TAF3: variants seen among roughly 807,000 people sequenced by gnomAD.
TAF3 encodes TATA-box binding protein associated factor 3.
In TAF3, 7 loss-of-function variants were observed where a neutral mutation model predicts 80.6. That is an observed-to-expected ratio of 0.09 (90% confidence interval 0.05 to 0.16). TAF3 has a LOEUF of 0.16. TAF3 is among the 10% of genes least tolerant of loss of function. The pLI is 1.00. For missense variants in TAF3, 921 were observed against 1,140.2 expected (o/e 0.81, Z 2.77); for synonymous variants, 444 against 446.1 (o/e 1.00, Z 0.06).
Position 7,965,930 on chromosome 10 carries a change from A to G in TAF3, c.2232+188A>G, listed in dbSNP as rs78096303. Among the ~76,000 whole-genome samples the G allele has an allele frequency of 2.6e-3, 402 of 152,338 alleles. 1 individual carries two copies. The highest frequency in any genetic ancestry group is 3.8e-3 in the Non-Finnish European group (261 of 68,024). On this transcript the variant is annotated intron_variant, in intron 3 of 6. Transcript: ENST00000344293. ...CCCATAAACCTGTAATCAAGCCCTC[A>G]ACACACTAGCAGATGTTAAAAATTC...
intron 2 of TAF3, among the ~76,000 whole-genome samples, chr10:7,826,669 T>C (rs1343960566): frequency 6.6e-6 from 1 of 152,200 alleles, no homozygotes; most frequent in East Asian, 1.9e-4. Flanking sequence ...AGGAAAAATA[T>C]TGCTGATTTG....
chr10:7,893,427 A>G (rs1837476845), intron 2 of TAF3, among the ~76,000 whole-genome samples: 1 of 152,236 alleles, frequency 6.6e-6, no homozygotes, highest in African/African-American at 2.4e-5. Context: ...GGGAGGAGCC[A>G]TGCAATTTGT....
chr10:7,938,113 A>G (rs1331844616), intron 2 of TAF3, among the ~76,000 whole-genome samples: 1 of 151,524 alleles, frequency 6.6e-6, no homozygotes, highest in Admixed American at 6.5e-5. Context: ...AATAAAACTT[A>G]GAGTCCTATG....
chr10:7,844,758 A>G (rs1836952937), intron 2 of TAF3, among the ~76,000 whole-genome samples: 1 of 151,780 alleles, frequency 6.6e-6, no homozygotes, highest in South Asian at 2.1e-4. Context: ...AACACAACTT[A>G]GTTTTGCTCT....
At chr10:7,851,496 A>C (rs1010319859) in intron 2 of TAF3, among the ~76,000 whole-genome samples, 2 of 151,798 alleles carry the variant, frequency 1.3e-5, no homozygotes, top group South Asian at 2.1e-4. Context: ...AAGCATTTTC[A>C]TGTTAAAACA....
At chr10:7,827,702 C>T (rs1836756421) in intron 2 of TAF3, among the ~76,000 whole-genome samples, 1 of 150,582 alleles carries the variant, frequency 6.6e-6, no homozygotes, top group South Asian at 2.1e-4. Context: ...ATGGCGTGAA[C>T]AGAGGAGGTG....
In TAF3 at chr10:7,818,675, G is replaced by A. The variant is rs1449783915; in HGVS notation, c.-35G>A. The stretch of plus-strand genomic sequence containing the variant: ...TCTGGCGGCGGGGCTGGAGAGCAGT[G>A]GCAGCAAGGGCTGCGGTGGCGTCCA... On this transcript the variant is annotated 5_prime_UTR_variant, in exon 1 of 7. Coordinates refer to ENST00000344293, the MANE Select transcript of TAF3 (RefSeq NM_031923.4). 1 of 1,593,094 alleles carries A rather than the reference G, an allele frequency of 6.3e-7. No homozygotes were observed. Among genetic ancestry groups the A allele is most frequent in the Non-Finnish European group, 8.5e-7 (1 of 1,172,176 alleles).
chr10:7,987,694 T>G (rs978275229), intron 4 of TAF3, among the ~76,000 whole-genome samples: 1 of 152,216 alleles, frequency 6.6e-6, no homozygotes, highest in Non-Finnish European at 1.5e-5. Flanking sequence ...GAAGAATTAG[T>G]GAAATCCTAT....
chr10:7,884,597 G>A (rs182015947), intron 2 of TAF3, among the ~76,000 whole-genome samples: 97 of 151,962 alleles, frequency 6.4e-4, no homozygotes, highest in African/African-American at 2.1e-3. Flanking sequence ...CGTGTTGGCC[G>A]GGCTGGTCTC....
intron 4 of TAF3, among the ~76,000 whole-genome samples, chr10:7,996,440 C>T (rs890323132): frequency 1.4e-4 from 21 of 152,134 alleles, no homozygotes; most frequent in Non-Finnish European, 2.6e-4. Context: ...CTGTCCAGTC[C>T]GTGAGGGAAC....
chr10:7,858,343 T>C (rs1837103655), intron 2 of TAF3, among the ~76,000 whole-genome samples: 1 of 152,202 alleles, frequency 6.6e-6, no homozygotes, highest in African/African-American at 2.4e-5. Flanking sequence ...TGGATTCTGG[T>C]TCTGTTCCTG....
rs530369031 is a variant in TAF3, at chr10:7,854,605, T to C, written c.409+30045T>C. On this transcript the variant is annotated intron_variant, in intron 2 of 6. Coordinates refer to ENST00000344293, the MANE Select transcript of TAF3 (RefSeq NM_031923.4). ...TAGATCTTGACCTGAACCTGGACCT[T>C]GAAGGATAAGATTTAAATTTCAGTG... is the stretch of plus-strand genomic sequence containing the variant. Among the ~76,000 whole-genome samples the C allele has an allele frequency of 1.2e-3, 156 of 134,552 alleles. 1 individual carries two copies. Among genetic ancestry groups the C allele is most frequent in the African/African-American group, 4.2e-3 (149 of 35,460 alleles). 88.3% of individuals were successfully genotyped at this position (134,552 alleles called of 152,430 possible).
intron 2 of TAF3, among the ~76,000 whole-genome samples, chr10:7,900,660 GA>G (rs915865358): frequency 6.6e-6 from 1 of 152,130 alleles, no homozygotes; most frequent in Non-Finnish European, 1.5e-5. Context: ...AATTACTATA[GA>G]AAAACTATTT....
At chr10:8,000,867 C>T (rs967917902) in intron 4 of TAF3, among the ~76,000 whole-genome samples, 1 of 152,136 alleles carries the variant, frequency 6.6e-6, no homozygotes, top group African/African-American at 2.4e-5. Flanking sequence ...AAACTTTTTT[C>T]TAAGTATACA....
At chr10:7,997,353 G>A (rs760838182) in intron 4 of TAF3, among the ~76,000 whole-genome samples, 7 of 152,338 alleles carry the variant, frequency 4.6e-5, no homozygotes, top group Non-Finnish European at 8.8e-5. Context: ...TGGTTTCATC[G>A]TGTTTGCACA....
At position 7,964,830 on chromosome 10, in the gene TAF3, G is replaced by C. The variant is rs201095393; in HGVS notation, c.1320G>C (p.Ala440=). The C allele has an allele frequency of 4.2e-5, 67 of 1,613,990 alleles. 1 individual carries two copies. In the Middle Eastern group the frequency reaches 4.9e-4, roughly 12 times the overall value. ...ECTTPKASTS[A]NNFTKSGSTP... is the part of the protein sequence containing the mutation. ...CTACTCCCAAAGCTTCCACTTCCGC[G>C]AACAATTTCACAAAGTCAGGATCCA... The change falls in exon 3 of 7, where the codon GCG becomes GCC. Residue 440 remains alanine (A), a synonymous_variant. Coordinates refer to ENST00000344293, the MANE Select transcript of TAF3 (RefSeq NM_031923.4). This position sits in a 1 kb window ranked among gnomAD's most constrained non-coding sequence, Gnocchi z 4.1.
chr10:7,859,680 C>T (rs186057067), intron 2 of TAF3, among the ~76,000 whole-genome samples: 34 of 152,278 alleles, frequency 2.2e-4, no homozygotes, highest in South Asian at 1.0e-3. Flanking sequence ...TCCACTTTTC[C>T]GCCGGGGCAT....
chr10:8,003,435 C>T (rs1282876090), intron 4 of TAF3, among the ~76,000 whole-genome samples: 12 of 152,136 alleles, frequency 7.9e-5, no homozygotes, highest in African/African-American at 2.9e-4. Flanking sequence ...ATTATGTAAA[C>T]ACTTGGAAGA....
chr10:8,007,897 G>A (rs1017171360), intron 4 of TAF3, among the ~76,000 whole-genome samples: 6 of 151,860 alleles, frequency 4.0e-5, no homozygotes, highest in Admixed American at 3.3e-4. Context: ...TCTGGCGGCT[G>A]TAGAATTTGA....
Sources: allele counts gnomAD v4.1 joint callset (sites outside exome capture counted in the v4.1 genomes callset), GRCh38; gene constraint gnomAD v4.1.1; non-coding constraint Gnocchi (gnomAD v3.1); transcripts MANE v1.5; gene names NCBI Gene and HGNC (gene_info 2026-07-23, HGNC 2026-07-21).